The following BECN1 variants were observed in gnomAD, a reference collection of about 807,000 sequenced individuals.
BECN1 encodes beclin 1.
BECN1 carries 15 observed loss-of-function variants against 60.1 expected under a neutral mutation model. The ratio of observed to expected loss-of-function variants is 0.25; its 90% CI spans 0.17 to 0.38. The LOEUF is 0.38. Ranked by LOEUF, BECN1 falls within the 10% of genes least tolerant of loss-of-function variation. The pLI is 1.00. For missense variants in BECN1, 424 were observed against 548.2 expected (o/e 0.77, Z 2.26); for synonymous variants, 179 against 201.8 (o/e 0.89, Z 0.96).
At position 42,810,649 on chromosome 17, in the gene BECN1, T is replaced by C. The variant is rs1597922996; in HGVS notation, c.*111A>G. ...TGGCTTTTGTGGATTTTTTCTTTTT[T>C]GGTATTGTAAACATGTACTGTTTAA... On this transcript the variant is annotated 3_prime_UTR_variant, in exon 12 of 12. Coordinates refer to ENST00000590099, the MANE Select transcript of BECN1 (RefSeq NM_001313998.2). 8.5e-7 allele frequency: 1 copy of C among 1,172,472 alleles called. No individual in the cohort carries two copies. The highest frequency in any genetic ancestry group is 1.2e-6 in the Non-Finnish European group (1 of 863,590). The allele number at this position is 1,172,472 out of a possible 1,614,324, so 72.6% of individuals were successfully genotyped here.
chr17:42,816,649 CAAA>C (rs1312388751), intron 7 of BECN1, among the ~76,000 whole-genome samples: 3 of 77,248 alleles, frequency 3.9e-5, no homozygotes, highest in Non-Finnish European at 2.6e-5. Context: ...GACTCTGTCT[CAAA>C]AAAAAAAAAA....
At chr17:42,820,352 G>A (rs1157270301) in intron 3 of BECN1, 1 of 167,816 alleles carries the variant, frequency 6.0e-6, no homozygotes, top group Non-Finnish European at 1.3e-5. Context: ...TTTCTGTCCA[G>A]GGCAATCATA....
At chr17:42,814,882 T>C in intron 8 of BECN1, 1 of 606,468 alleles carries the variant, frequency 1.6e-6, no homozygotes, top group Middle Eastern at 4.6e-4. Flanking sequence ...GGTGGTATCC[T>C]TGAATGCTCC....
chr17:42,822,084 T>G (rs2055276748), intron 2 of BECN1, among the ~76,000 whole-genome samples: 1 of 152,052 alleles, frequency 6.6e-6, no homozygotes, highest in South Asian at 2.1e-4. Context: ...GTGCCTGCAG[T>G]CCCAGCTACT....
intron 2 of BECN1, among the ~76,000 whole-genome samples, chr17:42,822,159 C>T (rs1222948820): frequency 6.6e-6 from 1 of 152,070 alleles, no homozygotes; most frequent in African/African-American, 2.4e-5. Flanking sequence ...GCCGAGATCG[C>T]GCCACTGCAC....
Position 42,822,960 on chromosome 17 carries a change from C to T in BECN1, c.130+788G>A, listed in dbSNP as rs1428882322. On this transcript the variant is annotated intron_variant, in intron 2 of 11. Transcript: ENST00000590099. ...CCTCCCAAAGCACTGAGATTACAGG[C>T]GTGAGCCATCACATCCAGCAAATTC... 5.3e-5 allele frequency among the ~76,000 whole-genome samples: 8 copies of T among 151,992 alleles called. No homozygotes were observed. The East Asian group carries it at 5.8e-4, about 11-fold the overall frequency.
At chr17:42,818,944 G>T in intron 4 of BECN1, 67 bp from the exon 5 acceptor site, 1 of 1,553,842 alleles carries the variant, frequency 6.4e-7, no homozygotes, top group Non-Finnish European at 8.8e-7. Context: ...CTACTACAAT[G>T]CCAGTGGCAG....
chr17:42,820,954 T>A, intron 2 of BECN1, 113 bp from the exon 3 acceptor site: 1 of 899,568 alleles, frequency 1.1e-6, no homozygotes, highest in Non-Finnish European at 1.8e-6. Flanking sequence ...CCTCCAATTT[T>A]TCTTAAAGTA....
chr17:42,821,293 G>A (rs1460007832), intron 2 of BECN1, among the ~76,000 whole-genome samples: 1 of 152,120 alleles, frequency 6.6e-6, no homozygotes, highest in African/African-American at 2.4e-5. Context: ...CTGACCTCGT[G>A]ATCCACCCGT....
rs1597945047 is a variant in BECN1, at chr17:42,823,732, C to T, written c.130+16G>A. The T allele has an allele frequency of 6.2e-7, 1 of 1,612,162 alleles. No individual in the cohort carries two copies. The highest frequency in any genetic ancestry group is 2.2e-5 in the East Asian group (1 of 44,796). ...TCCACATTCTTGACCACCCTCTTTCCAAGGGTCTCGCTGACCTGTGAGTTC... is the reference window on the plus strand; with the variant it reads ...TCCACATTCTTGACCACCCTCTTTCTAAGGGTCTCGCTGACCTGTGAGTTC... On this transcript the variant is annotated intron_variant, in intron 2 of 11. Transcript: ENST00000590099.
At chr17:42,814,198 T>G in intron 9 of BECN1, 190 bp from the exon 10 acceptor site, 1 of 549,460 alleles carries the variant, frequency 1.8e-6, no homozygotes, top group Non-Finnish European at 3.2e-6. Context: ...ACATTTATTA[T>G]ATAATTGCCT....
chr17:42,819,127 A>C, intron 4 of BECN1: 1 of 539,446 alleles, frequency 1.9e-6, no homozygotes, highest in South Asian at 2.8e-5. Context: ...TAAAAAATTC[A>C]TATGTCTACA....
rs1275462540 is a variant in BECN1, at chr17:42,816,144, A to G, written c.684-90T>C. ...CACTATGAACGATTCTTTAGTGATC[A>G]TCGTTACATCTAGCTCTCGCATCTT... On this transcript the variant is annotated intron_variant, in intron 7 of 11. Coordinates refer to ENST00000590099, the MANE Select transcript of BECN1 (RefSeq NM_001313998.2). 25 of 1,304,400 alleles carry G rather than the reference A, an allele frequency of 1.9e-5. No homozygotes were observed. In the South Asian group the frequency reaches 2.8e-4, roughly 14 times the overall value. 80.8% of individuals were successfully genotyped at this position (1,304,400 alleles called of 1,614,324 possible). A position where few individuals can be genotyped will look rare whatever the true frequency, so the allele number is the denominator to read the frequency against.
Position 42,814,675 on chromosome 17 carries a change from TAC to T in BECN1, c.831-4_831-3del. On this transcript the variant is annotated splice_polypyrimidine_tract_variant and splice_region_variant and intron_variant, in intron 8 of 11. Coordinates refer to ENST00000590099, the MANE Select transcript of BECN1 (RefSeq NM_001313998.2). ...ATTGTGCCAAACTGTCCACTGTGCC[TAC>T]AGAGGAAGGCAGAAAGGTGGGGGGA... The T allele has an allele frequency of 6.2e-7, 1 of 1,614,032 alleles. No homozygotes were observed. Among genetic ancestry groups the T allele is most frequent in the African/African-American group, 1.3e-5 (1 of 75,026 alleles).
At chr17:42,821,013 G>A (rs1016474952) in intron 2 of BECN1, among the ~76,000 whole-genome samples, 172 bp from the exon 3 acceptor site, 1 of 152,146 alleles carries the variant, frequency 6.6e-6, no homozygotes, top group African/African-American at 2.4e-5. Context: ...CATTAAATCA[G>A]ATTAAAGAAA....
In BECN1 at chr17:42,811,691, A is replaced by G; in HGVS notation, c.1148T>C (p.Val383Ala). 4 of 1,614,114 alleles carry G rather than the reference A, an allele frequency of 2.5e-6. No homozygotes were observed. Among genetic ancestry groups the G allele is most frequent in the Non-Finnish European group, 3.4e-6 (4 of 1,180,010 alleles). The change falls in exon 11 of 12, where the codon GTT becomes GCT. Residue 383 changes from valine to alanine, a missense_variant. Physicochemically the swap from Val to Ala is moderately conservative, Grantham distance 64. This residue lies in a region of BECN1 where 326 missense variants were observed against 406.2 expected (regional missense o/e 0.80). Coordinates refer to ENST00000590099, the MANE Select transcript of BECN1 (RefSeq NM_001313998.2). Reference protein sequence around the residue: ...LDCVQQFKEEVEKGETRFCLP... With the variant: ...LDCVQQFKEEAEKGETRFCLP... ...ACAAAAACGTGTCTCGCCTTTCTCA[A>G]CCTCTTCTTTGAACTGCTGCACACA...
chr17:42,814,300 T>C (rs1340022357), intron 9 of BECN1: 2 of 616,552 alleles, frequency 3.2e-6, no homozygotes, highest in East Asian at 2.8e-5. Context: ...CTCTGGGGAC[T>C]GTAGGCTGGG....
In BECN1 at chr17:42,819,601, A is replaced by T. The variant is rs199562786; in HGVS notation, c.207T>A (p.Phe69Leu). The T allele has an allele frequency of 1.2e-6, 2 of 1,613,622 alleles. No homozygotes were observed. ...CACCATCCTGGCGAGGAGTTTCAATAAATGGCTCCTGGGAAAGAAATAAGA... is the reference window on the plus strand; with the variant it reads ...CACCATCCTGGCGAGGAGTTTCAATTAATGGCTCCTGGGAAAGAAATAAGA... ...EEETNSGEEP[F>L]IETPRQDGVS... is the part of the protein sequence containing the mutation. The change falls in exon 4 of 12, where the codon TTT (phenylalanine) becomes TTA (leucine). Residue 69 changes from phenylalanine to leucine, a missense_variant. Coordinates refer to ENST00000590099, the MANE Select transcript of BECN1 (RefSeq NM_001313998.2).
intron 7 of BECN1, 118 bp downstream of exon 7, chr17:42,818,103 A>G (rs1411803264): frequency 1.7e-5 from 18 of 1,067,856 alleles, no homozygotes; most frequent in Admixed American, 2.5e-5. Flanking sequence ...GATCTGGGGC[A>G]GGCATGCTGC....
Sources: gnomAD v4.1 joint callset for allele counts (sites outside exome capture counted in the v4.1 genomes callset) on GRCh38, gnomAD v4.1.1 for gene constraint, gnomAD v4.1.1 regional missense constraint, MANE v1.5 for transcripts, NCBI Gene and HGNC (gene_info 2026-07-23, HGNC 2026-07-21) for gene names.